The following ANKH variants were observed in gnomAD, a reference collection of about 807,000 sequenced individuals.
The protein encoded by ANKH is ANKH inorganic pyrophosphate transport regulator.
Under a neutral mutation model 49.0 loss-of-function variants are expected in ANKH, and 15 were observed. The observed-to-expected ratio is 0.31, with a 90% CI of 0.20 to 0.47. ANKH has a LOEUF of 0.47. ANKH is among the 20% of genes least tolerant of loss of function. ANKH has a pLI of 1.00. For synonymous variants in ANKH, 273 were observed against 260.0 expected, an observed-to-expected ratio of 1.05 and a Z score of -0.48; for missense variants, 429 against 652.0, an observed-to-expected ratio of 0.66 and a Z score of 3.72.
chr5:14,837,373 A>T (rs1430760514), intron 1 of ANKH, among the ~76,000 whole-genome samples: 1 of 152,278 alleles, frequency 6.6e-6, no homozygotes, highest in Non-Finnish European at 1.5e-5. Flanking sequence ...TAATCTACCC[A>T]TCTGATAAAG....
At chr5:14,749,436 G>T in intron 5 of ANKH, 130 bp from the exon 6 acceptor site, 1 of 1,049,502 alleles carries the variant, frequency 9.5e-7, no homozygotes, top group Non-Finnish European at 1.4e-6. Context: ...GTAATATAAG[G>T]AAAAGTGTCT....
chr5:14,858,446 G>A (rs1480026341), intron 1 of ANKH, among the ~76,000 whole-genome samples: 4 of 152,174 alleles, frequency 2.6e-5, no homozygotes, highest in African/African-American at 9.7e-5. Flanking sequence ...GCCAGATGTG[G>A]TGGCTCTCGC....
intron 1 of ANKH, among the ~76,000 whole-genome samples, chr5:14,830,149 G>A (rs56248024): frequency 0.021 from 3,176 of 152,258 alleles, 100 homozygotes; most frequent in African/African-American, 0.072. Flanking sequence ...GGACGACTAC[G>A]AAGCAAGAAT....
chr5:14,712,802 C>G, intron 11 of ANKH, 72 bp downstream of exon 11: 1 of 1,430,000 alleles, frequency 7.0e-7, no homozygotes, highest in Non-Finnish European at 9.6e-7. Flanking sequence ...CCAACCTGGT[C>G]AGTGGCTGCT....
At chr5:14,800,740 T>G (rs1740544349) in intron 1 of ANKH, among the ~76,000 whole-genome samples, 1 of 151,716 alleles carries the variant, frequency 6.6e-6, no homozygotes, top group East Asian at 1.9e-4. Flanking sequence ...TTTTTTTTTT[T>G]TTTTGAGACA....
intron 8 of ANKH, among the ~76,000 whole-genome samples, chr5:14,734,144 T>C (rs1204936269): frequency 6.6e-6 from 1 of 152,216 alleles, no homozygotes; most frequent in African/African-American, 2.4e-5. Flanking sequence ...CTTTGCCTTC[T>C]ACTTTTAAAC....
chr5:14,834,837 A>T (rs1309293184), intron 1 of ANKH, among the ~76,000 whole-genome samples: 3 of 152,178 alleles, frequency 2.0e-5, no homozygotes, highest in Non-Finnish European at 4.4e-5. Flanking sequence ...TAGTTTCCTC[A>T]TCTGGAGAAA....
intron 1 of ANKH, among the ~76,000 whole-genome samples, chr5:14,769,642 T>C (rs1394859317): frequency 6.6e-6 from 1 of 152,088 alleles, no homozygotes; most frequent in Non-Finnish European, 1.5e-5. Flanking sequence ...TGTGTGTGTG[T>C]GTTCATGTGT....
Position 14,755,951 on chromosome 5 carries a change from G to T in ANKH, c.433-7C>A. 6.2e-7 allele frequency: 1 copy of T among 1,613,064 alleles called. No homozygotes were observed. ...TGCCAGCATGGGTCCATGCCTGCCA[G>T]AAAGAAAAGAATTTGGCATGAGATA... is the stretch of plus-strand genomic sequence containing the variant. On this transcript the variant is annotated splice_polypyrimidine_tract_variant and splice_region_variant and intron_variant, in intron 3 of 11. Transcript: ENST00000284268.
At chr5:14,739,358 A>C (rs1469588549) in intron 8 of ANKH, among the ~76,000 whole-genome samples, 2 of 152,200 alleles carry the variant, frequency 1.3e-5, no homozygotes, top group Non-Finnish European at 1.5e-5. Context: ...CAGAGGTTGC[A>C]GTGAGCCGAG....
At chr5:14,862,645 G>A (rs374979024) in intron 1 of ANKH, among the ~76,000 whole-genome samples, 18 of 152,304 alleles carry the variant, frequency 1.2e-4, no homozygotes, top group African/African-American at 4.3e-4. Context: ...CAGACTTACT[G>A]CTCTGCTGCA....
intron 1 of ANKH, among the ~76,000 whole-genome samples, chr5:14,839,614 CA>C (rs1194293915): frequency 3.3e-5 from 5 of 152,098 alleles, no homozygotes; most frequent in Admixed American, 2.6e-4. Flanking sequence ...GATCAGTCTC[CA>C]AACTCATGTT....
intron 1 of ANKH, among the ~76,000 whole-genome samples, chr5:14,848,686 T>C (rs1031449451): frequency 6.6e-6 from 1 of 152,200 alleles, no homozygotes. Flanking sequence ...CTGGTTCATC[T>C]TAATCAAGCT....
At chr5:14,714,426 C>T (rs940505099) in intron 9 of ANKH, among the ~76,000 whole-genome samples, 10 of 152,342 alleles carry the variant, frequency 6.6e-5, no homozygotes, top group East Asian at 3.9e-4. Context: ...CTTGAGGACG[C>T]GCAGGGCAGG....
At chr5:14,806,857 G>A (rs1740723182) in intron 1 of ANKH, among the ~76,000 whole-genome samples, 1 of 152,170 alleles carries the variant, frequency 6.6e-6, no homozygotes, top group Non-Finnish European at 1.5e-5. Context: ...TGTCTGCCCT[G>A]GAGAATCTCT....
chr5:14,773,620 A>G (rs1348984152), intron 1 of ANKH, among the ~76,000 whole-genome samples: 2 of 152,180 alleles, frequency 1.3e-5, no homozygotes, highest in Non-Finnish European at 1.5e-5. Context: ...ATCTGCTTCT[A>G]TCACTTAAGC....
At chr5:14,788,725 G>A (rs1740058614) in intron 1 of ANKH, among the ~76,000 whole-genome samples, 1 of 152,124 alleles carries the variant, frequency 6.6e-6, no homozygotes, top group South Asian at 2.1e-4. Context: ...GAGAAGGACT[G>A]TCACTGTAAC....
intron 4 of ANKH, among the ~76,000 whole-genome samples, chr5:14,752,623 G>A (rs1677758009): frequency 6.6e-6 from 1 of 152,130 alleles, no homozygotes; most frequent in Admixed American, 6.5e-5. Context: ...GCATATTCCT[G>A]AGCTACATCA....
intron 7 of ANKH, among the ~76,000 whole-genome samples, chr5:14,744,280 CCCAGTAGGTGGTGAGTCCTAACTCACAGT>C (rs368971192): frequency 0.036 from 5,440 of 152,254 alleles, 331 homozygotes; most frequent in African/African-American, 0.12. Context: ...ACTGAATATT[CCCAGTAGGTGGTGAGTCCTAACTCACAGT>C]CCAGTAGGTG....
Sources: gnomAD v4.1 joint callset for allele counts (sites outside exome capture counted in the v4.1 genomes callset) on GRCh38, gnomAD v4.1.1 for gene constraint, MANE v1.5 for transcripts, NCBI Gene and HGNC (gene_info 2026-07-23, HGNC 2026-07-21) for gene names.